Variants in WDR33 observed in about 807,000 individuals in gnomAD.
WDR33 encodes the protein WD repeat domain 33.
A neutral mutation model predicts 164.9 loss-of-function variants in WDR33; 47 were observed. That is an observed-to-expected ratio of 0.29 (90% CI 0.23 to 0.36). The LOEUF is 0.36. Ranked by LOEUF, WDR33 falls within the 10% of genes least tolerant of loss-of-function variation. WDR33 has a pLI of 1.00. For missense variants in WDR33, 1,137 were observed against 1,754.1 expected, an observed-to-expected ratio of 0.65 and a Z score of 6.28; for synonymous variants, 505 against 589.0, an observed-to-expected ratio of 0.86 and a Z score of 2.06.
intron 7 of WDR33, chr2:127,737,068 T>C: frequency 5.1e-6 from 5 of 985,444 alleles, no homozygotes; most frequent in South Asian, 4.7e-5. Flanking sequence ...AGAAGCAATT[T>C]TGCAGTATGT....
In WDR33 at chr2:127,701,776, G is replaced by C; in HGVS notation, c.*4547C>G. 2 of 1,430,038 alleles carry C rather than the reference G, an allele frequency of 1.4e-6. No individual in the cohort carries two copies. Among genetic ancestry groups the C allele is most frequent in the Non-Finnish European group, 1.8e-6 (2 of 1,091,918 alleles). 88.6% of individuals were successfully genotyped at this position (1,430,038 alleles called of 1,614,324 possible). On this transcript the variant is annotated 3_prime_UTR_variant, in exon 22 of 22. Coordinates refer to ENST00000322313, the MANE Select transcript of WDR33 (RefSeq NM_018383.5). ...CAGCGGCTGGCGGCGGGCGGCGGGT[G>C]CCTGCTGCTGGCTGCACTGTGTTTC...
At chr2:127,776,590 T>A (rs919220465) in intron 1 of WDR33, among the ~76,000 whole-genome samples, 7 of 152,008 alleles carry the variant, frequency 4.6e-5, no homozygotes, top group Admixed American at 4.6e-4. Context: ...ACACCTATAG[T>A]CCCAGCTACT....
chr2:127,735,513 A>T lies in WDR33; in HGVS notation c.725-8736T>A. The T allele has an allele frequency of 1.0e-6, 1 of 985,620 alleles. No homozygotes were observed. Among genetic ancestry groups the T allele is most frequent in the Non-Finnish European group, 1.2e-6 (1 of 829,666 alleles). 61.1% of individuals were successfully genotyped at this position (985,620 alleles called of 1,614,324 possible). ...CTTTTATACAAAACTTATAAAAAGCACCAAGATTTTCTAATACAGGAAGAA... is the reference window on the plus strand; with the variant it reads ...CTTTTATACAAAACTTATAAAAAGCTCCAAGATTTTCTAATACAGGAAGAA... On this transcript the variant is annotated intron_variant, in intron 7 of 21. Coordinates refer to ENST00000322313, the MANE Select transcript of WDR33 (RefSeq NM_018383.5). This position sits in a 1 kb window ranked among gnomAD's most constrained non-coding sequence, Gnocchi z 4.3.
Position 127,805,882 on chromosome 2 carries a change from C to CTA in WDR33, c.-24+5128_-24+5129dup, listed in dbSNP as rs1689420616. Reference sequence around the variant, plus strand: ...TCCCTGCCATAATATCTGTTGCCACCTATAGCTGGAATGAAGTGTCGTCTT... The same window carrying CTA: ...TCCCTGCCATAATATCTGTTGCCACCTATATAGCTGGAATGAAGTGTCGTCTT... On this transcript the variant is annotated intron_variant, in intron 1 of 21. Coordinates refer to ENST00000322313, the MANE Select transcript of WDR33 (RefSeq NM_018383.5). Among the ~76,000 whole-genome samples, 3 of 151,682 alleles carry CTA rather than the reference C, an allele frequency of 2.0e-5. No homozygotes were observed. In the South Asian group the frequency reaches 6.3e-4, roughly 32 times the overall value.
chr2:127,743,664 T>C (rs1176885431), intron 7 of WDR33, among the ~76,000 whole-genome samples: 1 of 152,192 alleles, frequency 6.6e-6, no homozygotes, highest in Non-Finnish European at 1.5e-5. Flanking sequence ...GAGGCACAGA[T>C]TTCCTTCTGT....
intron 1 of WDR33, among the ~76,000 whole-genome samples, chr2:127,796,123 G>A (rs1048799143): frequency 6.7e-6 from 1 of 149,174 alleles, no homozygotes. Flanking sequence ...CCAGACTGGA[G>A]TGCAGTGGCA....
At chr2:127,747,631 G>C (rs1291544795) in intron 7 of WDR33, among the ~76,000 whole-genome samples, 1 of 152,142 alleles carries the variant, frequency 6.6e-6, no homozygotes, top group East Asian at 1.9e-4. Flanking sequence ...TGAAGAGGCT[G>C]CTTTTGCCTA....
chr2:127,753,960 T>C (rs1010103094), intron 7 of WDR33, among the ~76,000 whole-genome samples: 2 of 152,230 alleles, frequency 1.3e-5, no homozygotes, highest in Admixed American at 1.3e-4. Flanking sequence ...GAAGAAATCT[T>C]TGACTCCTAA....
At chr2:127,736,430 A>G (rs1344431114) in intron 7 of WDR33, 2 of 985,430 alleles carry the variant, frequency 2.0e-6, no homozygotes, top group Non-Finnish European at 2.4e-6. Flanking sequence ...GTGTTTTTCA[A>G]GTTATAAAAA....
rs970328675 is a variant in WDR33 at position 127,738,553 on chromosome 2, A to G, written c.725-11776T>C. Among the ~76,000 whole-genome samples, 16 of 152,082 alleles carry G rather than the reference A, an allele frequency of 1.1e-4. No homozygotes were observed. Among genetic ancestry groups the G allele is most frequent in the African/African-American group, 3.6e-4 (15 of 41,402 alleles). On this transcript the variant is annotated intron_variant, in intron 7 of 21. Transcript: ENST00000322313. The surrounding 1 kb of genome is among the most constrained non-coding windows in gnomAD (Gnocchi z 4.4). ...GTAGCTGTTGTTGAAGAAACTTGAC[A>G]AACTCTACCTCAAGCAGATGATCAA...
chr2:127,768,120 C>A (rs1687877367), intron 4 of WDR33, 69 bp downstream of exon 4: 2 of 934,688 alleles, frequency 2.1e-6, no homozygotes, highest in Non-Finnish European at 3.0e-6. Context: ...ATTTTCTTTG[C>A]CCTGTCAAAT....
At chr2:127,711,838 T>C (rs1164569419) in intron 18 of WDR33, among the ~76,000 whole-genome samples, 2 of 144,846 alleles carry the variant, frequency 1.4e-5, no homozygotes, top group Non-Finnish European at 3.0e-5. Context: ...AGTGGTGCAA[T>C]CTTGGCTCAC....
In WDR33 at chr2:127,713,553, T is replaced by A; in HGVS notation, c.3308+30A>T. 1 of 1,607,842 alleles carries A rather than the reference T, an allele frequency of 6.2e-7. No individual in the cohort carries two copies. Among genetic ancestry groups the A allele is most frequent in the South Asian group, 1.1e-5 (1 of 90,156 alleles). ...AGCAGATAAAAAGCTCCACTGAAGATGGAATGGGCCCACAAAGTATCTGTC... is the reference window on the plus strand; with the variant it reads ...AGCAGATAAAAAGCTCCACTGAAGAAGGAATGGGCCCACAAAGTATCTGTC... On this transcript the variant is annotated intron_variant, in intron 18 of 21. Coordinates refer to ENST00000322313, the MANE Select transcript of WDR33 (RefSeq NM_018383.5). This position sits in a 1 kb window ranked among gnomAD's most constrained non-coding sequence, Gnocchi z 6.2.
chr2:127,723,074 G>C lies in WDR33; in HGVS notation c.1292-30C>G, dbSNP rs751180841. The C allele has an allele frequency of 6.4e-7, 1 of 1,560,706 alleles. No homozygotes were observed. The highest frequency in any genetic ancestry group is 1.2e-5 in the South Asian group (1 of 83,724). ...AAATAGTAATACACCATTGTCAATA[G>C]AGAATTTACAAAAGTAGCGACTGAT... On this transcript the variant is annotated intron_variant, in intron 12 of 21. Transcript: ENST00000322313. The surrounding 1 kb of genome is among the most constrained non-coding windows in gnomAD (Gnocchi z 5.9).
chr2:127,737,783 A>G, intron 7 of WDR33: 2 of 1,297,410 alleles, frequency 1.5e-6, no homozygotes, highest in Non-Finnish European at 2.0e-6. Context: ...TGAATGAACA[A>G]GTTCACTTTC....
chr2:127,807,120 T>C (rs957021255), intron 1 of WDR33, among the ~76,000 whole-genome samples: 3 of 152,186 alleles, frequency 2.0e-5, no homozygotes, highest in African/African-American at 7.2e-5. Context: ...TTCTCTTGCC[T>C]CAGCTTCCCA....
At chr2:127,773,381 T>G (rs896276055) in intron 1 of WDR33, among the ~76,000 whole-genome samples, 6 of 151,356 alleles carry the variant, frequency 4.0e-5, no homozygotes, top group African/African-American at 1.5e-4. Flanking sequence ...GTCACGTTGG[T>G]CCCTCCTAAG....
chr2:127,808,552 T>C (rs748918164), intron 1 of WDR33, among the ~76,000 whole-genome samples: 2 of 152,220 alleles, frequency 1.3e-5, no homozygotes, highest in Non-Finnish European at 2.9e-5. Flanking sequence ...CTTCAGTCTC[T>C]AGGACTAATG....
intron 3 of WDR33, among the ~76,000 whole-genome samples, chr2:127,768,667 C>T (rs999627494): frequency 3.9e-5 from 6 of 152,124 alleles, no homozygotes; most frequent in African/African-American, 1.4e-4. Flanking sequence ...AATTACAAGA[C>T]TTTAGATTAC....
Sources: gnomAD v4.1 joint callset for allele counts (sites outside exome capture counted in the v4.1 genomes callset) on GRCh38, gnomAD v4.1.1 for gene constraint, Gnocchi (gnomAD v3.1) non-coding constraint, MANE v1.5 for transcripts, NCBI Gene and HGNC (gene_info 2026-07-23, HGNC 2026-07-21) for gene names.